The following AMY1A variants were observed in gnomAD, a reference collection of about 807,000 sequenced individuals.
AMY1A encodes alpha-amylase 1A.
A neutral mutation model predicts 13.5 loss-of-function variants in AMY1A; 3 were observed. That is an observed-to-expected ratio of 0.22 (90% CI 0.10 to 0.57). The LOEUF (loss-of-function observed/expected upper bound fraction) is 0.57. Among genes scored for constraint, AMY1A ranks in the 20% least tolerant of loss-of-function variants. The pLI is 0.92. For missense variants in AMY1A, 9 were observed against 101.2 expected (o/e 0.09, Z 3.91); for synonymous variants, 3 against 29.4 (o/e 0.10, Z 2.90).
intron 8 of AMY1A, 73 bp from the exon 9 acceptor site, chr1:103,662,584 G>C (rs1399235465): frequency 6.9e-5 from 4 of 57,660 alleles, no homozygotes. Flanking sequence ...AGGATAGGTT[G>C]GGTTTGGTTT....
chr1:103,660,810 G>A lies in AMY1A; in HGVS notation c.1101+134G>A. The A allele has an allele frequency of 2.2e-6, 2 of 920,244 alleles. 1 individual carries two copies. The highest frequency in any genetic ancestry group is 3.0e-6 in the Non-Finnish European group (2 of 660,872). 57.0% of individuals were successfully genotyped at this position (920,244 alleles called of 1,614,324 possible). A position where few individuals can be genotyped will look rare whatever the true frequency, so the allele number is the denominator to read the frequency against. ...ATTATTGTAAACCTGATACAGGATT[G>A]TGATTTAGTAATGCAGGTTATATTA... On this transcript the variant is annotated intron_variant, in intron 8 of 10. Coordinates refer to ENST00000370083, the MANE Select transcript of AMY1A (RefSeq NM_004038.4).
At chr1:103,662,160 G>A (rs1240928124) in intron 8 of AMY1A, among the ~76,000 whole-genome samples, 1 of 121,718 alleles carries the variant, frequency 8.2e-6, no homozygotes, top group African/African-American at 2.8e-5. Flanking sequence ...ACTGTGTGCG[G>A]CCAGCTGAGA....
chr1:103,662,179 T>C (rs923804134), intron 8 of AMY1A, among the ~76,000 whole-genome samples: 2 of 127,356 alleles, frequency 1.6e-5, no homozygotes, highest in Non-Finnish European at 3.5e-5. Context: ...GAAGGTCAGC[T>C]GACCTGAGGA....
chr1:103,662,363 C>T (rs1653430709), intron 8 of AMY1A, among the ~76,000 whole-genome samples: 1 of 109,484 alleles, frequency 9.1e-6, no homozygotes, highest in Non-Finnish European at 2.0e-5. Flanking sequence ...TACGATCATG[C>T]CACTGTACTC....
At chr1:103,662,319 C>T (rs1278442323) in intron 8 of AMY1A, among the ~76,000 whole-genome samples, 11 of 128,104 alleles carry the variant, frequency 8.6e-5, no homozygotes, top group Admixed American at 1.6e-4. Context: ...ATGGGAGGTT[C>T]GCTTGAGCCT....
intron 8 of AMY1A, among the ~76,000 whole-genome samples, chr1:103,662,377 C>A (rs1653430929): frequency 2.2e-5 from 2 of 90,450 alleles, no homozygotes; most frequent in Non-Finnish European, 4.7e-5. Flanking sequence ...TGTACTCCAG[C>A]CTGGGTGACA....
intron 8 of AMY1A, among the ~76,000 whole-genome samples, chr1:103,662,158 C>T (rs370981115): frequency 0.13 from 14,009 of 111,144 alleles, 116 homozygotes; most frequent in Middle Eastern, 0.27. Context: ...GCACTGTGTG[C>T]GGCCAGCTGA....
chr1:103,660,507 T>C lies in AMY1A; in HGVS notation c.1001+25T>C, dbSNP rs371910857. On this transcript the variant is annotated intron_variant, in intron 7 of 10. Coordinates refer to ENST00000370083, the MANE Select transcript of AMY1A (RefSeq NM_004038.4). ...GGTAAAAAACCAAGTTCTCTATTTT[T>C]TTAACACCTCTTTTAATGATGGTAT... is the stretch of plus-strand genomic sequence containing the variant. 21 of 1,404,116 alleles carry C rather than the reference T, an allele frequency of 1.5e-5. No individual in the cohort carries two copies. In the African/African-American group the frequency reaches 3.3e-4, roughly 22 times the overall value. The allele number at this position is 1,404,116 out of a possible 1,614,324, so 87.0% of individuals were successfully genotyped here.
intron 8 of AMY1A, among the ~76,000 whole-genome samples, chr1:103,662,409 G>T (rs1653431619): frequency 1.1e-5 from 1 of 87,488 alleles, no homozygotes; most frequent in Non-Finnish European, 2.4e-5. Flanking sequence ...TCTTTGCAGT[G>T]CCTTGGAATG....
intron 7 of AMY1A, 32 bp downstream of exon 7, chr1:103,660,514 C>T (rs774881132): frequency 7.1e-7 from 1 of 1,402,378 alleles, no homozygotes; most frequent in Non-Finnish European, 9.6e-7. Flanking sequence ...TTTTTTAACA[C>T]CTCTTTTAAT....
In AMY1A at chr1:103,660,795, A is replaced by G; in HGVS notation, c.1101+119A>G. The G allele has an allele frequency of 5.4e-6, 5 of 919,638 alleles. 2 individuals carry two copies. Among genetic ancestry groups the G allele is most frequent in the Non-Finnish European group, 4.6e-6 (3 of 658,850 alleles). The allele number at this position is 919,638 out of a possible 1,614,324, so 57.0% of individuals were successfully genotyped here. On this transcript the variant is annotated intron_variant, in intron 8 of 10. Transcript: ENST00000370083. ...TTCAACAAATATTTAATTATTGTAA[A>G]CCTGATACAGGATTGTGATTTAGTA...
intron 8 of AMY1A, among the ~76,000 whole-genome samples, chr1:103,662,259 G>A (rs1188423042): frequency 7.3e-6 from 1 of 137,656 alleles, no homozygotes; most frequent in African/African-American, 2.6e-5. Flanking sequence ...AAAAAAATTA[G>A]CTGGGTGCGG....
chr1:103,655,558 A>AT (rs1653378654), upstream of AMY1A: 1 of 10,224 alleles, frequency 9.8e-5, no homozygotes, highest in African/African-American at 2.3e-4. Context: ...CTTGTTGCTG[A>AT]TTTTGGCCTG....
Position 103,660,367 on chromosome 1 carries a change from G to T in AMY1A, c.886G>T (p.Gly296Ter). 1 of 1,272,984 alleles carries T rather than the reference G, an allele frequency of 7.9e-7. No individual in the cohort carries two copies. Among genetic ancestry groups the T allele is most frequent in the Non-Finnish European group, 1.1e-6 (1 of 942,146 alleles). 78.9% of individuals were successfully genotyped at this position (1,272,984 alleles called of 1,614,324 possible). A position where few individuals can be genotyped will look rare whatever the true frequency, so the allele number is the denominator to read the frequency against. Residue 296 changes from glycine to a stop codon, truncating the protein, a stop_gained, in exon 7 of 11, where the codon GGA becomes TGA. Coordinates refer to ENST00000370083, the MANE Select transcript of AMY1A (RefSeq NM_004038.4). LOFTEE classifies it high-confidence loss of function. ...CTTATGTTTCAAAAATAGGAACTGG[G>T]GAGAAGGTTGGGGTTTCATGCCTTC... Reference protein sequence around the residue: ...GEKMSYLKNWGEGWGFMPSDR... With the variant: ...GEKMSYLKNW
chr1:103,662,295 C>T (rs1374914065), intron 8 of AMY1A, among the ~76,000 whole-genome samples: 2 of 132,682 alleles, frequency 1.5e-5, no homozygotes, highest in Non-Finnish European at 3.3e-5. Flanking sequence ...GTCTTAGCTA[C>T]TTGGGAGGCT....
intron 7 of AMY1A, 47 bp downstream of exon 7, chr1:103,660,529 G>T: frequency 7.2e-7 from 1 of 1,395,792 alleles, no homozygotes; most frequent in Non-Finnish European, 9.7e-7. Flanking sequence ...TTTAATGATG[G>T]TATGAATATT....
chr1:103,660,514 C>A lies in AMY1A; in HGVS notation c.1001+32C>A, dbSNP rs774881132. ...AACCAAGTTCTCTATTTTTTTAACA[C>A]CTCTTTTAATGATGGTATGAATATT... On this transcript the variant is annotated intron_variant, in intron 7 of 10. Coordinates refer to ENST00000370083, the MANE Select transcript of AMY1A (RefSeq NM_004038.4). 7.8e-6 allele frequency: 11 copies of A among 1,402,378 alleles called. 2 individuals carry two copies. Among genetic ancestry groups the A allele is most frequent in the Admixed American group, 3.8e-5 (2 of 53,152 alleles). 86.9% of individuals were successfully genotyped at this position (1,402,378 alleles called of 1,614,324 possible). A position where few individuals can be genotyped will look rare whatever the true frequency, so the allele number is the denominator to read the frequency against.
At chr1:103,660,164 G>GGT (rs1335370464) in intron 6 of AMY1A, among the ~76,000 whole-genome samples, 196 bp from the exon 7 acceptor site, 2 of 25,922 alleles carry the variant, frequency 7.7e-5, no homozygotes, top group African/African-American at 1.4e-4. Flanking sequence ...TTGTTTATGA[G>GGT]GTGTGTGTGT....
rs778856129 is a variant in AMY1A, at chr1:103,660,494, A to C, written c.1001+12A>C. ...TTCTGGGATGCTAGGTAAAAAACCAAGTTCTCTATTTTTTTAACACCTCTT... is the reference window on the plus strand; with the variant it reads ...TTCTGGGATGCTAGGTAAAAAACCACGTTCTCTATTTTTTTAACACCTCTT... On this transcript the variant is annotated intron_variant, in intron 7 of 10. Transcript: ENST00000370083. 1.4e-6 allele frequency: 2 copies of C among 1,405,514 alleles called. No individual in the cohort carries two copies. Among genetic ancestry groups the C allele is most frequent in the African/African-American group, 3.7e-5 (2 of 54,678 alleles). 87.1% of individuals were successfully genotyped at this position (1,405,514 alleles called of 1,614,324 possible). A position where few individuals can be genotyped will look rare whatever the true frequency, so the allele number is the denominator to read the frequency against.
Sources: allele counts gnomAD v4.1 joint callset (sites outside exome capture counted in the v4.1 genomes callset), GRCh38; gene constraint gnomAD v4.1.1; transcripts MANE v1.5; gene names NCBI Gene and HGNC (gene_info 2026-07-23, HGNC 2026-07-21).